CFAP299: variants seen among roughly 807,000 people sequenced by gnomAD.
CFAP299 encodes cilia and flagella associated protein 299, also known as cilia- and flagella-associated protein 299.
Under a neutral mutation model 27.0 loss-of-function variants are expected in CFAP299, and 21 were observed. That is an observed-to-expected ratio of 0.78 (90% confidence interval 0.55 to 1.12). The LOEUF is 1.12. Among genes scored for constraint, CFAP299 ranks in the 50% most tolerant of loss-of-function variants. The pLI, the probability that CFAP299 is intolerant of heterozygous loss-of-function variation, is 0.00. For synonymous variants in CFAP299, 104 were observed against 98.1 expected, an observed-to-expected ratio of 1.06 and a Z score of -0.36; for missense variants, 310 against 276.6, an observed-to-expected ratio of 1.12 and a Z score of -0.86.
rs1289637389 is a variant in CFAP299 at position 80,906,095 on chromosome 4, A to C, written c.476+35960A>C. ...CAAAAGCAAGTTAGTTACTTCCTAG[A>C]TACAATGGGGGTACAAGCATTAGTT... On this transcript the variant is annotated intron_variant, in intron 4 of 5. Coordinates refer to ENST00000358105, the MANE Select transcript of CFAP299 (RefSeq NM_152770.3). Among the ~76,000 whole-genome samples the C allele has an allele frequency of 2.0e-5, 3 of 152,218 alleles. No homozygotes were observed. The East Asian group carries it at 5.8e-4, about 29-fold the overall frequency.
chr4:80,364,635 G>A (rs755195068), intron 2 of CFAP299, among the ~76,000 whole-genome samples: 6 of 152,174 alleles, frequency 3.9e-5, no homozygotes, highest in African/African-American at 1.4e-4. Flanking sequence ...ATGTGTGCAG[G>A]ATGTGCAGGT....
At chr4:80,513,285 C>T (rs973797503) in intron 2 of CFAP299, among the ~76,000 whole-genome samples, 4 of 152,114 alleles carry the variant, frequency 2.6e-5, no homozygotes, top group African/African-American at 9.7e-5. Flanking sequence ...CAGCTGTGAG[C>T]CACAAGTAGT....
intron 3 of CFAP299, among the ~76,000 whole-genome samples, chr4:80,721,862 G>A (rs1264149427): frequency 2.6e-5 from 4 of 152,036 alleles, no homozygotes; most frequent in Admixed American, 1.3e-4. Flanking sequence ...CAATAAAATT[G>A]TCTTTCAAGA....
At chr4:80,821,284 T>G (rs1729690443) in intron 3 of CFAP299, among the ~76,000 whole-genome samples, 1 of 152,206 alleles carries the variant, frequency 6.6e-6, no homozygotes, top group African/African-American at 2.4e-5. Flanking sequence ...TCATTCTTGT[T>G]CTTGAGTCAC....
chr4:80,798,697 C>T (rs565563313), intron 3 of CFAP299, among the ~76,000 whole-genome samples: 35 of 152,156 alleles, frequency 2.3e-4, no homozygotes, highest in African/African-American at 7.9e-4. Flanking sequence ...GTTAGAATCC[C>T]TGAGTTCATC....
At chr4:80,588,232 A>G (rs1037217982) in intron 3 of CFAP299, among the ~76,000 whole-genome samples, 2 of 150,974 alleles carry the variant, frequency 1.3e-5, no homozygotes, top group Non-Finnish European at 2.9e-5. Flanking sequence ...AGCTAAGGAC[A>G]GTCCTTTCAA....
At chr4:80,371,809 A>T (rs1724165335) in intron 2 of CFAP299, among the ~76,000 whole-genome samples, 1 of 152,166 alleles carries the variant, frequency 6.6e-6, no homozygotes, top group African/African-American at 2.4e-5. Context: ...ACAATCATTC[A>T]ACAAGTATCT....
intron 5 of CFAP299, among the ~76,000 whole-genome samples, chr4:80,960,478 T>C (rs1229355882): frequency 6.6e-6 from 1 of 151,850 alleles, no homozygotes; most frequent in Non-Finnish European, 1.5e-5. Flanking sequence ...ACTACATAAG[T>C]GAAAGATTTT....
intron 2 of CFAP299, among the ~76,000 whole-genome samples, chr4:80,488,122 A>T (rs890143948): frequency 6.6e-6 from 1 of 152,248 alleles, no homozygotes; most frequent in Non-Finnish European, 1.5e-5. Flanking sequence ...GCCTATTGGT[A>T]TACAAATTAA....
intron 1 of CFAP299, among the ~76,000 whole-genome samples, chr4:80,346,624 C>T (rs1722741938): frequency 6.7e-6 from 1 of 149,294 alleles, no homozygotes. Flanking sequence ...GTTCTGTTCC[C>T]TTGGTCTATA....
intron 3 of CFAP299, among the ~76,000 whole-genome samples, chr4:80,600,790 T>C (rs1737301862): frequency 6.6e-6 from 1 of 152,132 alleles, no homozygotes; most frequent in South Asian, 2.1e-4. Flanking sequence ...TTTACACTTA[T>C]TCTGTGGTAA....
At chr4:80,933,050 A>G (rs1460573438) in intron 4 of CFAP299, among the ~76,000 whole-genome samples, 1 of 152,190 alleles carries the variant, frequency 6.6e-6, no homozygotes, top group Non-Finnish European at 1.5e-5. Flanking sequence ...ATATATGTAT[A>G]CGTTTTGAAT....
At chr4:80,749,951 T>C (rs1325200198) in intron 3 of CFAP299, among the ~76,000 whole-genome samples, 1 of 152,208 alleles carries the variant, frequency 6.6e-6, no homozygotes, top group Non-Finnish European at 1.5e-5. Context: ...ACAGTACTTA[T>C]CATAGTACCT....
intron 2 of CFAP299, among the ~76,000 whole-genome samples, chr4:80,524,139 C>G (rs1175532836): frequency 2.0e-5 from 3 of 152,110 alleles, no homozygotes; most frequent in African/African-American, 7.2e-5. Flanking sequence ...ATTTTCTCTT[C>G]TACCTTTCTT....
In CFAP299 at chr4:80,337,295, G is replaced by T. The variant is rs191696314; in HGVS notation, c.111+1416G>T. Among the ~76,000 whole-genome samples, 955 of 152,088 alleles carry T rather than the reference G, an allele frequency of 6.3e-3. 2 individuals carry two copies. The highest frequency in any genetic ancestry group is 0.024 in the Middle Eastern group (7 of 292). On this transcript the variant is annotated intron_variant, in intron 1 of 5. Coordinates refer to ENST00000358105, the MANE Select transcript of CFAP299 (RefSeq NM_152770.3). The stretch of plus-strand genomic sequence containing the variant: ...TTTAAACCTAGTATTATTAAGAAAG[G>T]TTTTAATATTTTTTAAGGCACAGTT...
At chr4:80,408,333 T>G (rs778481029) in intron 2 of CFAP299, among the ~76,000 whole-genome samples, 2 of 152,214 alleles carry the variant, frequency 1.3e-5, no homozygotes, top group Non-Finnish European at 2.9e-5. Context: ...ACTTTCTCAT[T>G]GTGCTCTTGA....
chr4:80,920,580 A>G (rs1488375303), intron 4 of CFAP299, among the ~76,000 whole-genome samples: 1 of 152,114 alleles, frequency 6.6e-6, no homozygotes, highest in Non-Finnish European at 1.5e-5. Flanking sequence ...GCTCTTTTAC[A>G]TGTGCTATCC....
chr4:80,643,045 C>A (rs1252130934), intron 3 of CFAP299, among the ~76,000 whole-genome samples: 1 of 151,818 alleles, frequency 6.6e-6, no homozygotes, highest in African/African-American at 2.4e-5. Context: ...GCCTGTAATC[C>A]CAGCACTTTG....
chr4:80,663,896 G>GT (rs994549040), intron 3 of CFAP299, among the ~76,000 whole-genome samples: 28 of 152,102 alleles, frequency 1.8e-4, no homozygotes, highest in Middle Eastern at 3.4e-3. Context: ...GTAATTATGA[G>GT]TTTTTTTTCA....
Sources: allele counts gnomAD v4.1 joint callset (sites outside exome capture counted in the v4.1 genomes callset), GRCh38; gene constraint gnomAD v4.1.1; transcripts MANE v1.5; gene names NCBI Gene and HGNC (gene_info 2026-07-23, HGNC 2026-07-21).